Variants in ABCA10 observed in about 807,000 individuals in gnomAD.
The protein encoded by ABCA10 is ATP-binding cassette sub-family A member 10.
ABCA10 carries 169 observed loss-of-function variants against 187.5 expected under a neutral mutation model. That is an observed-to-expected ratio of 0.90 (90% CI 0.80 to 1.02). The LOEUF is 1.02. ABCA10 is among the 50% of genes least tolerant of loss of function. The probability of loss-of-function intolerance (pLI) is 0.00; values close to 1 mark genes in which losing one functional copy is unlikely to be tolerated. For missense variants in ABCA10, 1,727 were observed against 1,812.4 expected (o/e 0.95, Z 0.86); for synonymous variants, 574 against 601.8 (o/e 0.95, Z 0.68).
chr17:69,151,360 CA>C (rs1235196030), intron 36 of ABCA10, among the ~76,000 whole-genome samples: 1 of 152,116 alleles, frequency 6.6e-6, no homozygotes, highest in Non-Finnish European at 1.5e-5. Flanking sequence ...TCTTCACCTC[CA>C]AAAGGAAGAA....
At position 69,214,809 on chromosome 17, in the gene ABCA10, C is replaced by G. The variant is rs2074690649; in HGVS notation, c.901G>C (p.Asp301His). 1 of 1,504,584 alleles carries G rather than the reference C, an allele frequency of 6.6e-7. No homozygotes were observed. Among genetic ancestry groups the G allele is most frequent in the African/African-American group, 1.5e-5 (1 of 67,696 alleles). The allele number at this position is 1,504,584 out of a possible 1,614,324, so 93.2% of individuals were successfully genotyped here. Residue 301 changes from aspartate to histidine, a missense_variant, in exon 9 of 39, where the codon GAT becomes CAT. Transcript: ENST00000690296. Reference protein sequence around the residue: ...DNYLSGVIFPDPSGDSYKMIA... With the variant: ...DNYLSGVIFPHPSGDSYKMIA... ...ATTTTGTATGAATCCCCAGAGGGAT[C>G]AGGAAAAATAACACCACTTAAGTAA...
chr17:69,243,143 G>A (rs942644219), intron 1 of ABCA10, among the ~76,000 whole-genome samples: 1 of 152,218 alleles, frequency 6.6e-6, no homozygotes, highest in Admixed American at 6.5e-5. Context: ...GTGTGAGATA[G>A]CTCTTTTATT....
chr17:69,189,036 G>A (rs1359330612), intron 18 of ABCA10, among the ~76,000 whole-genome samples: 2 of 151,976 alleles, frequency 1.3e-5, no homozygotes, highest in East Asian at 3.9e-4. Flanking sequence ...ATATACCTTT[G>A]GCTATATACT....
intron 10 of ABCA10, among the ~76,000 whole-genome samples, chr17:69,198,124 T>C (rs2074519429): frequency 6.6e-6 from 1 of 152,226 alleles, no homozygotes; most frequent in South Asian, 2.1e-4. Context: ...TCCTGTGACC[T>C]ACAAAATTAT....
rs1489542631 is a variant in ABCA10 at position 69,219,868 on chromosome 17, T to C, written c.304-97A>G. On this transcript the variant is annotated intron_variant, in intron 5 of 38. Transcript: ENST00000690296. Reference sequence around the variant, plus strand: ...ATTTTCGATTTCAATATTTACATATTCTCATCATTTTAAAGTATGAACTAT... The same window carrying C: ...ATTTTCGATTTCAATATTTACATATCCTCATCATTTTAAAGTATGAACTAT... 4.7e-6 allele frequency: 4 copies of C among 854,634 alleles called. No homozygotes were observed. The East Asian group carries it at 8.2e-5, about 18-fold the overall frequency. 52.9% of individuals were successfully genotyped at this position (854,634 alleles called of 1,614,324 possible).
At chr17:69,186,397 A>C (rs1214618072) in intron 19 of ABCA10, among the ~76,000 whole-genome samples, 6 of 152,236 alleles carry the variant, frequency 3.9e-5, no homozygotes, top group Non-Finnish European at 5.9e-5. Context: ...GTTGAAGTAG[A>C]TAATAGATCT....
intron 3 of ABCA10, 79 bp downstream of exon 3, chr17:69,225,246 G>C (rs1598127001): frequency 2.7e-6 from 4 of 1,485,016 alleles, no homozygotes; most frequent in South Asian, 1.2e-5. Context: ...ACACAGGCTA[G>C]GTAAGTAAAT....
chr17:69,182,141 T>C lies in ABCA10; in HGVS notation c.2769+12A>G. The C allele has an allele frequency of 6.4e-7, 1 of 1,561,204 alleles. No individual in the cohort carries two copies. Among genetic ancestry groups the C allele is most frequent in the Non-Finnish European group, 8.7e-7 (1 of 1,155,010 alleles). ...TGTGTTGCCTCTTATATAAGTCGAA[T>C]ACTCTACTTACACGAGAAAATGAAG... On this transcript the variant is annotated intron_variant, in intron 22 of 38. Transcript: ENST00000690296.
intron 9 of ABCA10, among the ~76,000 whole-genome samples, chr17:69,204,042 A>T (rs1172459250): frequency 6.6e-6 from 1 of 152,212 alleles, no homozygotes; most frequent in Non-Finnish European, 1.5e-5. Context: ...AAAATTCTGT[A>T]CATTCCCTAT....
At chr17:69,154,471 C>T (rs2074158363) in intron 30 of ABCA10, 145 bp from the exon 31 acceptor site, 2 of 621,806 alleles carry the variant, frequency 3.2e-6, no homozygotes, top group Admixed American at 6.7e-5. Context: ...GTTGCCTAGG[C>T]TGGACTGTGG....
chr17:69,223,790 G>T (rs1227951498), intron 3 of ABCA10: 3 of 328,832 alleles, frequency 9.1e-6, no homozygotes, highest in South Asian at 7.0e-5. Flanking sequence ...TGTAGAATAA[G>T]ACAGTGAGAG....
In ABCA10 at chr17:69,222,693, T is replaced by C; in HGVS notation, c.39A>G (p.Arg13=). The change falls in exon 4 of 39, where the codon AGA becomes AGG. Residue 13 remains arginine (R), a synonymous_variant. Coordinates refer to ENST00000690296, the MANE Select transcript of ABCA10 (RefSeq NM_001377321.1). ...KMALASFMKG[R]TVIGTPDEET... ...CTTCATCTGGTGTCCCAATGACTGT[T>C]CTTCCTACCATGTATGAAAAACATA... 1 of 1,567,154 alleles carries C rather than the reference T, an allele frequency of 6.4e-7. No individual in the cohort carries two copies. Among genetic ancestry groups the C allele is most frequent in the Non-Finnish European group, 8.6e-7 (1 of 1,166,470 alleles).
intron 27 of ABCA10, among the ~76,000 whole-genome samples, chr17:69,161,768 C>G (rs1415608099): frequency 6.6e-6 from 1 of 152,126 alleles, no homozygotes; most frequent in Non-Finnish European, 1.5e-5. Context: ...AACATGAATT[C>G]TGCTAAAACT....
At chr17:69,238,272 A>T (rs1203136789) in intron 1 of ABCA10, among the ~76,000 whole-genome samples, 1 of 152,068 alleles carries the variant, frequency 6.6e-6, no homozygotes, top group East Asian at 1.9e-4. Flanking sequence ...TCTTGATTTT[A>T]GACTTTTGGC....
chr17:69,208,360 G>A (rs1202066811), intron 9 of ABCA10, among the ~76,000 whole-genome samples: 3 of 142,260 alleles, frequency 2.1e-5, no homozygotes, highest in Non-Finnish European at 4.5e-5. Flanking sequence ...GGAGCTTGCA[G>A]CGACCAAGAT....
chr17:69,186,602 A>G (rs550418297), intron 19 of ABCA10, among the ~76,000 whole-genome samples: 57 of 152,306 alleles, frequency 3.7e-4, no homozygotes, highest in Non-Finnish European at 6.9e-4. Context: ...TTCTCTTGCT[A>G]AAACCTTTAA....
chr17:69,212,192 G>T (rs1206027418), intron 9 of ABCA10, among the ~76,000 whole-genome samples: 1 of 152,080 alleles, frequency 6.6e-6, no homozygotes, highest in African/African-American at 2.4e-5. Context: ...TTATCATTAG[G>T]TTGAAAGAAT....
chr17:69,198,441 G>A (rs1177607362), intron 10 of ABCA10, among the ~76,000 whole-genome samples: 2 of 152,148 alleles, frequency 1.3e-5, no homozygotes, highest in Non-Finnish European at 2.9e-5. Context: ...ATTATTCTCG[G>A]GTCACGTGAG....
chr17:69,178,785 T>C (rs2074355600), intron 22 of ABCA10: 1 of 152,182 alleles, frequency 6.6e-6, no homozygotes, highest in African/African-American at 2.4e-5. Context: ...ATTGTTTTCT[T>C]TAAAAAGAAA....
Sources: gnomAD v4.1 joint callset for allele counts (sites outside exome capture counted in the v4.1 genomes callset) on GRCh38, gnomAD v4.1.1 for gene constraint, MANE v1.5 for transcripts, NCBI Gene and HGNC (gene_info 2026-07-23, HGNC 2026-07-21) for gene names.